FASTKD2: variants seen among roughly 807,000 people sequenced by gnomAD.
FASTKD2 encodes the protein FAST kinase domains 2.
A neutral mutation model predicts 63.6 loss-of-function variants in FASTKD2; 51 were observed. The observed-to-expected ratio is 0.80, with a 90% confidence interval of 0.64 to 1.01. The LOEUF is 1.01. Ranked by LOEUF, FASTKD2 falls within the 50% of genes least tolerant of loss-of-function variation. FASTKD2 has a pLI of 0.00. For synonymous variants in FASTKD2, 284 were observed against 293.4 expected, an observed-to-expected ratio of 0.97 and a Z score of 0.33; for missense variants, 786 against 831.1, an observed-to-expected ratio of 0.95 and a Z score of 0.67.
At chr2:206,786,184 C>G (rs1340555630) in intron 7 of FASTKD2, among the ~76,000 whole-genome samples, 1 of 152,142 alleles carries the variant, frequency 6.6e-6, no homozygotes, top group African/African-American at 2.4e-5. Context: ...TGATTTTGAT[C>G]TTTTCTGTCT....
chr2:206,767,467 C>T lies in FASTKD2; in HGVS notation c.774C>T (p.Thr258=). The T allele has an allele frequency of 6.2e-7, 1 of 1,607,786 alleles. No homozygotes were observed. Among genetic ancestry groups the T allele is most frequent in the Non-Finnish European group, 8.5e-7 (1 of 1,179,204 alleles). Residue 258 remains threonine, a synonymous_variant, in exon 2 of 12, where the codon ACC becomes ACT. Transcript: ENST00000402774. The part of the protein sequence containing the change: ...TILVQTLLRV[T]QERINECDEI... ...TGGTGCAGACTTTGCTGAGGGTGAC[C>T]CAGGTAAAATAAAAAGGAGATTTAA...
At chr2:206,788,780 G>A (rs1434083055) in intron 9 of FASTKD2, 39 bp from the exon 10 acceptor site, 1 of 998,594 alleles carries the variant, frequency 1.0e-6, no homozygotes, top group Non-Finnish European at 1.6e-6. Context: ...GTCACTTGGA[G>A]GAATGTTTGA....
intron 7 of FASTKD2, among the ~76,000 whole-genome samples, chr2:206,779,381 A>G (rs1689907998): frequency 6.6e-6 from 1 of 151,982 alleles, no homozygotes; most frequent in African/African-American, 2.4e-5. Flanking sequence ...GTCTATTCTC[A>G]CGTTGCTATA....
chr2:206,773,481 C>T (rs1319144933), intron 6 of FASTKD2, among the ~76,000 whole-genome samples: 1 of 152,098 alleles, frequency 6.6e-6, no homozygotes, highest in Non-Finnish European at 1.5e-5. Context: ...ATGGTCATGT[C>T]CATTGTTTTA....
At chr2:206,785,602 T>C (rs939803515) in intron 7 of FASTKD2, among the ~76,000 whole-genome samples, 5 of 152,050 alleles carry the variant, frequency 3.3e-5, no homozygotes, top group African/African-American at 1.2e-4. Flanking sequence ...GGGGGATCAT[T>C]ACCCAGGCTC....
intron 8 of FASTKD2, among the ~76,000 whole-genome samples, chr2:206,787,518 G>C (rs1482575330): frequency 2.0e-5 from 3 of 152,168 alleles, no homozygotes; most frequent in African/African-American, 7.2e-5. Flanking sequence ...AAATCCCAAA[G>C]TTGAGTTGTA....
intron 6 of FASTKD2, among the ~76,000 whole-genome samples, chr2:206,773,194 A>G (rs1394931042): frequency 6.6e-6 from 1 of 151,968 alleles, no homozygotes; most frequent in Non-Finnish European, 1.5e-5. Context: ...GTGTCCCTGT[A>G]ATCCCAGCTA....
chr2:206,777,181 T>C (rs1032518471), intron 7 of FASTKD2, among the ~76,000 whole-genome samples: 2 of 152,168 alleles, frequency 1.3e-5, no homozygotes, highest in Non-Finnish European at 2.9e-5. Flanking sequence ...TTCATTTGCA[T>C]AATTACTCTG....
rs774329789 is a variant in FASTKD2, at chr2:206,771,919, G to C, written c.1016G>C (p.Arg339Thr). The C allele has an allele frequency of 6.2e-7, 1 of 1,607,924 alleles. No homozygotes were observed. Among genetic ancestry groups the C allele is most frequent in the Non-Finnish European group, 8.5e-7 (1 of 1,174,528 alleles). Residue 339 changes from arginine to threonine, a missense_variant, in exon 5 of 12, where the codon AGA becomes ACA. Arg to Thr is a moderately conservative substitution (Grantham distance 71). Transcript: ENST00000402774. ...LEMKALRELD[R>T]FSVLNSQHMF... is the part of the protein sequence containing the mutation. ...ATGAAAGCCTTGAGGGAATTAGACA[G>C]ATTTTCTGTTTTGAATAGCCAACAC...
chr2:206,786,880 C>T lies in FASTKD2; in HGVS notation c.1575C>T (p.Ile525=). The part of the protein sequence containing the change: ...PFNQLLQKDI[I]SELLTSDDMK... ...ATCAGCTTCTGCAAAAAGACATCAT[C>T]AGTGAGCTGCTGACATCAGGTAGGA... Residue 525 remains isoleucine (I), a synonymous_variant, in exon 8 of 12, where the codon ATC becomes ATT. Coordinates refer to ENST00000402774, the MANE Select transcript of FASTKD2 (RefSeq NM_001136193.2). The T allele has an allele frequency of 6.2e-7, 1 of 1,612,348 alleles. No individual in the cohort carries two copies. Among genetic ancestry groups the T allele is most frequent in the South Asian group, 1.1e-5 (1 of 91,012 alleles).
At position 206,786,743 on chromosome 2, in the gene FASTKD2, G is replaced by A. The variant is rs751103517; in HGVS notation, c.1438G>A (p.Glu480Lys). The A allele has an allele frequency of 5.5e-5, 89 of 1,613,764 alleles. No homozygotes were observed. Among genetic ancestry groups the A allele is most frequent in the Non-Finnish European group, 7.5e-5 (89 of 1,179,802 alleles). ...TTCTTTGTTCCCCAGACAGTTCGTG[G>A]AAGTTATGGCTAGTGCTCTGACTGG... ...YKCQNKEQFV[E>K]VMASALTGYL... The change falls in exon 8 of 12, where the codon GAA (glutamate) becomes AAA (lysine). Residue 480 changes from glutamate (E) to lysine (K), a missense_variant. Physicochemically the swap from Glu to Lys is moderately conservative, Grantham distance 56 (BLOSUM62 1). Coordinates refer to ENST00000402774, the MANE Select transcript of FASTKD2 (RefSeq NM_001136193.2).
At chr2:206,783,922 G>A (rs1384292798) in intron 7 of FASTKD2, among the ~76,000 whole-genome samples, 1 of 152,168 alleles carries the variant, frequency 6.6e-6, no homozygotes, top group Non-Finnish European at 1.5e-5. Context: ...GGCCTCTAGT[G>A]GACAGAGGCC....
At chr2:206,779,999 A>G (rs369055453) in intron 7 of FASTKD2, among the ~76,000 whole-genome samples, 130 of 152,276 alleles carry the variant, frequency 8.5e-4, no homozygotes, top group African/African-American at 2.7e-3. Flanking sequence ...CTTAACTTCC[A>G]TTGCATACAA....
At chr2:206,768,322 C>T (rs375734915) in intron 2 of FASTKD2, among the ~76,000 whole-genome samples, 3 of 152,084 alleles carry the variant, frequency 2.0e-5, no homozygotes, top group African/African-American at 7.2e-5. Flanking sequence ...TGAAATGGTG[C>T]CAAATGTAAG....
chr2:206,790,543 G>T, intron 10 of FASTKD2, 29 bp from the exon 11 acceptor site: 1 of 1,294,834 alleles, frequency 7.7e-7, no homozygotes, highest in Non-Finnish European at 1.1e-6. Context: ...ATCAATAACT[G>T]TTCTTGTTTT....
At chr2:206,777,013 C>CTTGA (rs141593348) in intron 7 of FASTKD2, among the ~76,000 whole-genome samples, 37,871 of 151,642 alleles carry the variant, frequency 0.25, 5,625 homozygotes, top group East Asian at 0.71. Context: ...CTTTCACTTC[C>CTTGA]TTAAGTTTAT....
intron 1 of FASTKD2, among the ~76,000 whole-genome samples, chr2:206,766,242 A>G (rs555621254): frequency 1.4e-5 from 2 of 140,984 alleles, no homozygotes; most frequent in Non-Finnish European, 3.0e-5. Flanking sequence ...CCTGGGGGAC[A>G]TAGCAAGACT....
chr2:206,785,904 A>G (rs1283134224), intron 7 of FASTKD2, among the ~76,000 whole-genome samples: 1 of 152,072 alleles, frequency 6.6e-6, no homozygotes, highest in African/African-American at 2.4e-5. Context: ...CTGTACCTTC[A>G]TCTCACCAGT....
chr2:206,772,188 C>T lies in FASTKD2; in HGVS notation c.1122C>T (p.Ile374=), dbSNP rs1302719447. The change falls in exon 6 of 12, where the codon ATC becomes ATT. Residue 374 remains isoleucine, a synonymous_variant. Coordinates refer to ENST00000402774, the MANE Select transcript of FASTKD2 (RefSeq NM_001136193.2). ...DECSKVVLDN[I]HGCPLRIMIN... is the part of the protein sequence containing the mutation. ...TTTAACTCATTCTTCAAGATAATATCCATGGGTGTCCTTTAAGAATAATGA... is the reference window on the plus strand; with the variant it reads ...TTTAACTCATTCTTCAAGATAATATTCATGGGTGTCCTTTAAGAATAATGA... 18 of 1,611,324 alleles carry T rather than the reference C, an allele frequency of 1.1e-5. No homozygotes were observed. The highest frequency in any genetic ancestry group is 1.4e-5 in the Non-Finnish European group (17 of 1,177,590).
Sources: gnomAD v4.1 joint callset for allele counts (sites outside exome capture counted in the v4.1 genomes callset) on GRCh38, gnomAD v4.1.1 for gene constraint, MANE v1.5 for transcripts, NCBI Gene and HGNC (gene_info 2026-07-23, HGNC 2026-07-21) for gene names.